The following HEPHL1 variants were observed in gnomAD, a reference collection of about 807,000 sequenced individuals.
HEPHL1 encodes the protein hephaestin like 1, also known as ferroxidase HEPHL1.
A neutral mutation model predicts 122.0 loss-of-function variants in HEPHL1; 123 were observed. The observed-to-expected ratio is 1.01, with a 90% CI of 0.87 to 1.17. The LOEUF (loss-of-function observed/expected upper bound fraction) is 1.17. HEPHL1 is among the 50% of genes most tolerant of loss of function. The probability of loss-of-function intolerance (pLI) is 0.00; values close to 1 mark genes in which losing one functional copy is unlikely to be tolerated. For missense variants in HEPHL1, 1,452 were observed against 1,430.5 expected (o/e 1.01, Z -0.24); for synonymous variants, 527 against 508.9 (o/e 1.04, Z -0.48).
rs75302705 is a variant in HEPHL1 at position 94,076,495 on chromosome 11, C to T, written c.1716+1110C>T. On this transcript the variant is annotated intron_variant, in intron 9 of 19. Coordinates refer to ENST00000315765, the MANE Select transcript of HEPHL1 (RefSeq NM_001098672.2). ...TGAAAGGTAGTGCTAATTTTGCCCC[C>T]GCTGTGTCCGTTTAATGGTACCTTT... 9.4e-3 allele frequency among the ~76,000 whole-genome samples: 1,435 copies of T among 152,136 alleles called. 31 individuals carry two copies. Among genetic ancestry groups the T allele is most frequent in the African/African-American group, 0.033 (1,372 of 41,498 alleles).
chr11:94,088,707 A>C (rs778139070), intron 11 of HEPHL1, 48 bp from the exon 12 acceptor site: 7 of 1,460,832 alleles, frequency 4.8e-6, no homozygotes, highest in Non-Finnish European at 9.4e-7. Flanking sequence ...ACCATCACCA[A>C]CAAAAATACC....
intron 4 of HEPHL1, among the ~76,000 whole-genome samples, chr11:94,065,195 TCAACCTACATATCC>T (rs911743272): frequency 1.3e-5 from 2 of 152,232 alleles, no homozygotes; most frequent in African/African-American, 4.8e-5. Context: ...AAGGAAATAG[TCAACCTACATATCC>T]CACCTTATTC....
intron 13 of HEPHL1, among the ~76,000 whole-genome samples, chr11:94,100,445 G>A (rs1946359495): frequency 6.6e-6 from 1 of 152,186 alleles, no homozygotes; most frequent in Non-Finnish European, 1.5e-5. Context: ...TGAGCCAGGT[G>A]TGGGCTCATC....
chr11:94,025,735 AGGACCAACT>A (rs950666238), intron 1 of HEPHL1, among the ~76,000 whole-genome samples: 3 of 152,212 alleles, frequency 2.0e-5, no homozygotes, highest in African/African-American at 7.2e-5. Flanking sequence ...ATCTGAAAGA[AGGACCAACT>A]GAGGGGAAGC....
intron 6 of HEPHL1, among the ~76,000 whole-genome samples, chr11:94,071,312 T>C (rs1400939429): frequency 2.1e-5 from 3 of 144,772 alleles, no homozygotes; most frequent in East Asian, 4.1e-4. Flanking sequence ...AAAACATCAT[T>C]TGTTTCTTTA....
chr11:94,067,301 A>G (rs1253150262), intron 4 of HEPHL1, among the ~76,000 whole-genome samples, 195 bp from the exon 5 acceptor site: 1 of 152,234 alleles, frequency 6.6e-6, no homozygotes, highest in Non-Finnish European at 1.5e-5. Context: ...TTTCTCTGGA[A>G]AAAGGCCAAT....
Position 94,104,567 on chromosome 11 carries a change from C to T in HEPHL1, c.2722C>T (p.Arg908Ter), listed in dbSNP as rs748022530. 1.3e-4 allele frequency: 217 copies of T among 1,613,482 alleles called. No homozygotes were observed. The highest frequency in any genetic ancestry group is 1.6e-4 in the Non-Finnish European group (194 of 1,179,718). Residue 908 changes from arginine (R) to a stop codon, truncating the protein, a stop_gained, in exon 16 of 20, where the codon CGA becomes TGA. Transcript: ENST00000315765. LOFTEE classifies it high-confidence loss of function. ...TTTGATGGGTCCTCTGATTACATGCCGAAAAGGAGTCTTGAATGAAAAGGG... is the reference window on the plus strand; with the variant it reads ...TTTGATGGGTCCTCTGATTACATGCTGAAAAGGAGTCTTGAATGAAAAGGG... The part of the protein sequence containing the change: ...SGLMGPLITC[R>*]KGVLNEKGRR...
At chr11:94,092,237 G>C (rs1351001893) in intron 12 of HEPHL1, among the ~76,000 whole-genome samples, 4 of 152,204 alleles carry the variant, frequency 2.6e-5, no homozygotes, top group Admixed American at 2.6e-4. Flanking sequence ...TCTGTCTTTT[G>C]TGATGATCTG....
intron 14 of HEPHL1, among the ~76,000 whole-genome samples, chr11:94,102,233 A>T (rs1052294865): frequency 5.3e-5 from 8 of 152,224 alleles, no homozygotes; most frequent in Non-Finnish European, 1.2e-4. Context: ...TATCCTGTGT[A>T]TTTAATGACA....
intron 1 of HEPHL1, among the ~76,000 whole-genome samples, chr11:94,025,541 C>T (rs11020630): frequency 0.36 from 54,440 of 151,956 alleles, 10,209 homozygotes; most frequent in South Asian, 0.44. Flanking sequence ...TTTTCATGGA[C>T]GCTAACTCAT....
chr11:94,036,793 C>T (rs1361093890), intron 1 of HEPHL1, among the ~76,000 whole-genome samples: 2 of 142,980 alleles, frequency 1.4e-5, no homozygotes, highest in Non-Finnish European at 1.5e-5. Flanking sequence ...GAGCCTAGAT[C>T]GTGCCATTGC....
chr11:94,106,216 C>G (rs938401322), intron 17 of HEPHL1, 86 bp downstream of exon 17: 6 of 1,045,478 alleles, frequency 5.7e-6, no homozygotes, highest in African/African-American at 1.6e-5. Context: ...AGTTACTTGG[C>G]AATAATGCTT....
rs371768501 is a variant in HEPHL1, at chr11:94,110,989, A to G, written c.3132A>G (p.Thr1044=). The G allele has an allele frequency of 1.9e-6, 3 of 1,611,800 alleles. No homozygotes were observed. Among genetic ancestry groups the G allele is most frequent in the African/African-American group, 2.7e-5 (2 of 74,846 alleles). ...AACTGTTTGCAGATCACCCAGGGAC[A>G]TGGCTGCTACACTGTCATGTGTCTG... ...TIELFADHPG[T]WLLHCHVSDH... is the part of the protein sequence containing the mutation. Residue 1044 remains threonine (T), a synonymous_variant, in exon 18 of 20, where the codon ACA becomes ACG. Coordinates refer to ENST00000315765, the MANE Select transcript of HEPHL1 (RefSeq NM_001098672.2).
rs774171349 is a variant in HEPHL1, at chr11:94,093,658, G to C, written c.2434+18G>C. 6.2e-7 allele frequency: 1 copy of C among 1,607,448 alleles called. No homozygotes were observed. The highest frequency in any genetic ancestry group is 8.5e-7 in the Non-Finnish European group (1 of 1,178,076). ...ACTCCTGGGTATGGCACAGATTTCA[G>C]GCGTGCACTGTCAGCCCCAAGCATG... On this transcript the variant is annotated intron_variant, in intron 13 of 19. Coordinates refer to ENST00000315765, the MANE Select transcript of HEPHL1 (RefSeq NM_001098672.2).
At chr11:94,101,484 C>A in intron 14 of HEPHL1, 149 bp downstream of exon 14, 2 of 804,900 alleles carry the variant, frequency 2.5e-6, no homozygotes, top group Non-Finnish European at 3.8e-6. Flanking sequence ...ATCATTCATC[C>A]AATGACCAAA....
At position 94,022,050 on chromosome 11, in the gene HEPHL1, T is replaced by A. The variant is rs7940306; in HGVS notation, c.170+512T>A. 9.5e-3 allele frequency among the ~76,000 whole-genome samples: 1,450 copies of A among 152,280 alleles called. 19 individuals are homozygous for A. The highest frequency in any genetic ancestry group is 0.033 in the African/African-American group (1,381 of 41,558). On this transcript the variant is annotated intron_variant, in intron 1 of 19. Transcript: ENST00000315765. ...CTGCTATTTTCAGGGTTTCCTTGAG[T>A]CTACTTAGAATTAGCGCTTTCACTG... is the stretch of plus-strand genomic sequence containing the variant.
chr11:94,045,947 TTG>T, intron 2 of HEPHL1, 30 bp downstream of exon 2: 1 of 1,600,156 alleles, frequency 6.2e-7, no homozygotes. Context: ...TACTGGGGTC[TTG>T]TCTCTATTTC....
Position 94,112,143 on chromosome 11 carries a change from T to C in HEPHL1, c.*249T>C. 2 of 336,918 alleles carry C rather than the reference T, an allele frequency of 5.9e-6. No individual in the cohort carries two copies. Among genetic ancestry groups the C allele is most frequent in the Non-Finnish European group, 5.3e-6 (1 of 187,906 alleles). 20.9% of individuals were successfully genotyped at this position (336,918 alleles called of 1,614,324 possible). A position where few individuals can be genotyped will look rare whatever the true frequency, so the allele number is the denominator to read the frequency against. On this transcript the variant is annotated 3_prime_UTR_variant, in exon 20 of 20. Transcript: ENST00000315765. Reference sequence around the variant, plus strand: ...AATGGGCATGGCTGAGAATGTCAACTCTTAGTCTATTCTTTGGTTGGATTC... The same window carrying C: ...AATGGGCATGGCTGAGAATGTCAACCCTTAGTCTATTCTTTGGTTGGATTC...
chr11:94,030,210 C>G (rs1294015234), intron 1 of HEPHL1, among the ~76,000 whole-genome samples: 1 of 152,150 alleles, frequency 6.6e-6, no homozygotes, highest in Non-Finnish European at 1.5e-5. Flanking sequence ...TGCTGTGCCA[C>G]CTTACTGGGT....
Sources: gnomAD v4.1 joint callset for allele counts (sites outside exome capture counted in the v4.1 genomes callset) on GRCh38, gnomAD v4.1.1 for gene constraint, MANE v1.5 for transcripts, NCBI Gene and HGNC (gene_info 2026-07-23, HGNC 2026-07-21) for gene names.